LRRC4B: variants seen among roughly 807,000 people sequenced by gnomAD.
LRRC4B encodes the protein leucine rich repeat containing 4B.
In LRRC4B, 1 loss-of-function variant was observed where a neutral mutation model predicts 7.3. The ratio of observed to expected loss-of-function variants is 0.14; its 90% CI spans 0.05 to 0.65. The LOEUF (loss-of-function observed/expected upper bound fraction) is 0.65, where lower values mean the gene tolerates loss of function less well. Ranked by LOEUF, LRRC4B falls within the 30% of genes least tolerant of loss-of-function variation. The probability of loss-of-function intolerance (pLI) is 0.84; values close to 1 mark genes in which losing one functional copy is unlikely to be tolerated. For synonymous variants in LRRC4B, 500 were observed against 499.2 expected, an observed-to-expected ratio of 1.00 and a Z score of -0.02; for missense variants, 730 against 1,041.6, an observed-to-expected ratio of 0.70 and a Z score of 4.12.
At position 50,522,919 on chromosome 19, in the gene LRRC4B, G is replaced by A. The variant is rs146851947; in HGVS notation, c.298-3504C>T. ...GTTTCTAATATCGGAATGTCAAAAC[G>A]CATCAGACCTCAAGAGTTTCACACG... On this transcript the variant is annotated intron_variant, in intron 2 of 2. Transcript: ENST00000652263. Among the ~76,000 whole-genome samples, 202 of 152,330 alleles carry A rather than the reference G, an allele frequency of 1.3e-3. 1 individual carries two copies. The highest frequency in any genetic ancestry group is 4.6e-3 in the African/African-American group (190 of 41,580).
chr19:50,558,214 C>CACACACACACACACACACAT (rs1314826523), intron 1 of LRRC4B, among the ~76,000 whole-genome samples: 1 of 151,276 alleles, frequency 6.6e-6, no homozygotes, highest in African/African-American at 2.4e-5. Context: ...CACACACACA[C>CACACACACACACACACACAT]ACACACACAC....
intron 2 of LRRC4B, among the ~76,000 whole-genome samples, chr19:50,521,515 C>A (rs971623536): frequency 2.0e-5 from 3 of 152,170 alleles, no homozygotes; most frequent in African/African-American, 4.8e-5. Context: ...GTAACCTCCG[C>A]CTTCCAGGTT....
chr19:50,532,223 G>C (rs1486441806), intron 2 of LRRC4B, among the ~76,000 whole-genome samples: 1 of 152,130 alleles, frequency 6.6e-6, no homozygotes, highest in Non-Finnish European at 1.5e-5. Context: ...GTGACAGTGA[G>C]ACTCTGTCTC....
chr19:50,548,723 C>T lies in LRRC4B; in HGVS notation c.116G>A (p.Gly39Asp), dbSNP rs1981923494. Residue 39 changes from glycine (G) to aspartate (D), a missense_variant, in exon 2 of 3, where the codon GGT becomes GAT. Transcript: ENST00000652263. This position sits in a 1 kb window ranked among gnomAD's most constrained non-coding sequence, Gnocchi z 6.8. Reference sequence around the variant, plus strand: ...GGCGGCAGACGTCACGGCCACTCCACCTCCACCGGCCCCCAGGGGTGGGGA... The same window carrying T: ...GGCGGCAGACGTCACGGCCACTCCATCTCCACCGGCCCCCAGGGGTGGGGA... The part of the protein sequence containing the change: ...LFSPPLGAGG[G>D]GVAVTSAAGG... The T allele has an allele frequency of 1.3e-6, 2 of 1,540,792 alleles. No individual in the cohort carries two copies. Among genetic ancestry groups the T allele is most frequent in the South Asian group, 2.4e-5 (2 of 84,022 alleles).
At chr19:50,530,048 C>T (rs902380291) in intron 2 of LRRC4B, among the ~76,000 whole-genome samples, 2 of 151,820 alleles carry the variant, frequency 1.3e-5, no homozygotes, top group African/African-American at 4.8e-5. Flanking sequence ...CGTGGGTCGG[C>T]CAGCAGGGCC....
Position 50,548,712 on chromosome 19 carries a change from C to A in LRRC4B, c.127G>T (p.Val43Leu). ...GAGCCCCCTCCGGCGGCAGACGTCA[C>A]GGCCACTCCACCTCCACCGGCCCCC... Reference protein sequence around the residue: ...PLGAGGGGVAVTSAAGGGSPP... With the variant: ...PLGAGGGGVALTSAAGGGSPP... The change falls in exon 2 of 3, where the codon GTG (valine) becomes TTG (leucine). Residue 43 changes from valine (V) to leucine (L), a missense_variant. Transcript: ENST00000652263. The surrounding 1 kb of genome is among the most constrained non-coding windows in gnomAD (Gnocchi z 6.8). 6.5e-7 allele frequency: 1 copy of A among 1,542,850 alleles called. No individual in the cohort carries two copies. Among genetic ancestry groups the A allele is most frequent in the Non-Finnish European group, 8.7e-7 (1 of 1,148,004 alleles).
rs1470561872 is a variant in LRRC4B at position 50,553,813 on chromosome 19, G to A, written c.-35-4940C>T. 6.6e-6 allele frequency among the ~76,000 whole-genome samples: 1 copy of A among 151,906 alleles called. No homozygotes were observed. Among genetic ancestry groups the A allele is most frequent in the Non-Finnish European group, 1.5e-5 (1 of 67,972 alleles). On this transcript the variant is annotated intron_variant, in intron 1 of 2. Transcript: ENST00000652263. This position sits in a 1 kb window ranked among gnomAD's most constrained non-coding sequence, Gnocchi z 4.2. ...ACTGGGTGCAGGGACGGATGGGTACGTTATCATCACTGTGAGTCTATTTCC... is the reference window on the plus strand; with the variant it reads ...ACTGGGTGCAGGGACGGATGGGTACATTATCATCACTGTGAGTCTATTTCC...
rs1982707870 is a variant in LRRC4B, at chr19:50,568,212, C to G, written c.-304G>C. ...CTGCCGTCCGGCCCCGCGCCCTCGC[C>G]CGCCGCCCGCCTTCCTTCTTGCCTT... On this transcript the variant is annotated 5_prime_UTR_variant, in exon 1 of 3. Coordinates refer to ENST00000652263, the MANE Select transcript of LRRC4B (RefSeq NM_001080457.2). Among the ~76,000 whole-genome samples, 1 of 151,704 alleles carries G rather than the reference C, an allele frequency of 6.6e-6. No individual in the cohort carries two copies. Among genetic ancestry groups the G allele is most frequent in the East Asian group, 2.0e-4 (1 of 5,106 alleles).
intron 2 of LRRC4B, among the ~76,000 whole-genome samples, chr19:50,527,257 C>T (rs1010076516): frequency 1.3e-5 from 2 of 151,996 alleles, no homozygotes; most frequent in Admixed American, 6.5e-5. Flanking sequence ...CGGTCTCGAT[C>T]TCCTGACCTC....
chr19:50,567,219 C>G (rs894124584), intron 1 of LRRC4B, among the ~76,000 whole-genome samples: 2 of 150,448 alleles, frequency 1.3e-5, no homozygotes, highest in Non-Finnish European at 3.0e-5. Context: ...GACACGTGCC[C>G]AAGGATAGAA....
chr19:50,538,313 T>A (rs1981380452), intron 2 of LRRC4B, among the ~76,000 whole-genome samples: 1 of 152,204 alleles, frequency 6.6e-6, no homozygotes, highest in African/African-American at 2.4e-5. Context: ...TCCAACCGCC[T>A]CGGCCTCCCG....
rs745768348 is a variant in LRRC4B, at chr19:50,517,826, G to T, written c.1887C>A (p.Ala629=). ...CGGCGGCCGCGGCGGCCACGGACAC[G>T]GCCGAGGCGGCGGGCAGCTCGTCCT... The part of the protein sequence containing the change: ...NVEDELPAAS[A]VSVAAAAAVA... Residue 629 remains alanine, a synonymous_variant, in exon 3 of 3, where the codon GCC becomes GCA. Transcript: ENST00000652263. The surrounding 1 kb of genome is among the most constrained non-coding windows in gnomAD (Gnocchi z 6.6). 3 of 1,568,574 alleles carry T rather than the reference G, an allele frequency of 1.9e-6. No homozygotes were observed. The highest frequency in any genetic ancestry group is 2.8e-5 in the African/African-American group (2 of 72,216).
At chr19:50,549,496 C>T (rs575402075) in intron 1 of LRRC4B, among the ~76,000 whole-genome samples, 1 of 152,316 alleles carries the variant, frequency 6.6e-6, no homozygotes, top group East Asian at 1.9e-4. Flanking sequence ...AAAGACCCTC[C>T]GCTGCACACC....
intron 1 of LRRC4B, among the ~76,000 whole-genome samples, chr19:50,552,630 A>C (rs1331445392): frequency 9.8e-6 from 1 of 101,842 alleles, no homozygotes; most frequent in African/African-American, 4.2e-5. Context: ...CCATCCATTC[A>C]TCCATCCGCC....
intron 1 of LRRC4B, 116 bp downstream of exon 1, chr19:50,567,828 C>CT (rs55725963): frequency 1.4e-5 from 2 of 140,180 alleles, no homozygotes; most frequent in African/African-American, 5.4e-5. Flanking sequence ...CATCCCCCCC[C>CT]ATCCCGGAGG....
intron 2 of LRRC4B, among the ~76,000 whole-genome samples, chr19:50,540,763 C>T (rs1415370899): frequency 6.6e-6 from 1 of 151,604 alleles, no homozygotes; most frequent in African/African-American, 2.4e-5. Flanking sequence ...CCATCACTGT[C>T]TCCCATCACC....
chr19:50,524,715 T>C (rs796671453), intron 2 of LRRC4B, among the ~76,000 whole-genome samples: 5 of 152,340 alleles, frequency 3.3e-5, no homozygotes, highest in African/African-American at 1.2e-4. Context: ...ATTGAGCCAT[T>C]TTACACTCTT....
At chr19:50,522,459 A>T (rs1041137152) in intron 2 of LRRC4B, among the ~76,000 whole-genome samples, 3 of 147,094 alleles carry the variant, frequency 2.0e-5, no homozygotes, top group Non-Finnish European at 1.5e-5. Context: ...TATTTTATTT[A>T]TTATTTATTT....
chr19:50,562,626 T>C (rs1982504190), intron 1 of LRRC4B, among the ~76,000 whole-genome samples: 1 of 151,926 alleles, frequency 6.6e-6, no homozygotes. Context: ...TAAGCTCAAC[T>C]CCCTGGGCTG....
Sources: allele counts gnomAD v4.1 joint callset (sites outside exome capture counted in the v4.1 genomes callset), GRCh38; gene constraint gnomAD v4.1.1; non-coding constraint Gnocchi (gnomAD v3.1); transcripts MANE v1.5; gene names NCBI Gene and HGNC (gene_info 2026-07-23, HGNC 2026-07-21).